KANK1: variants seen among roughly 807,000 people sequenced by gnomAD.
The protein encoded by KANK1 is KN motif and ankyrin repeat domain-containing protein 1.
KANK1 carries 109 observed loss-of-function variants against 106.2 expected under a neutral mutation model. The ratio of observed to expected loss-of-function variants is 1.03; its 90% CI spans 0.88 to 1.20. The LOEUF (loss-of-function observed/expected upper bound fraction) is 1.20. KANK1 is among the 50% of genes most tolerant of loss of function. The pLI is 0.00. For missense variants in KANK1, 2,399 were observed against 1,710.7 expected (o/e 1.40, Z -7.10); for synonymous variants, 873 against 652.2 (o/e 1.34, Z -5.16).
At chr9:680,305 A>T (rs950836009) in intron 2 of KANK1, among the ~76,000 whole-genome samples, 1 of 152,164 alleles carries the variant, frequency 6.6e-6, no homozygotes, top group Non-Finnish European at 1.5e-5. Flanking sequence ...ACGACTGATC[A>T]TCTCAAGTTG....
chr9:477,095 G>C lies in KANK1; in HGVS notation c.-362+3822G>C, dbSNP rs541442442. On this transcript the variant is annotated intron_variant, in intron 3 of 15. Transcript: ENST00000382303. ...AATCGTTACTTTCATTACCCCAGTT[G>C]GCAATTTGAGCAGGGCATGACAGGG... Among the ~76,000 whole-genome samples the C allele has an allele frequency of 9.6e-4, 146 of 152,268 alleles. 1 individual carries two copies. The highest frequency in any genetic ancestry group is 3.2e-3 in the African/African-American group (133 of 41,544).
At chr9:534,998 A>G (rs868081625) in intron 1 of KANK1, among the ~76,000 whole-genome samples, 1 of 152,128 alleles carries the variant, frequency 6.6e-6, no homozygotes, top group Non-Finnish European at 1.5e-5. Context: ...TTCTTTGAGG[A>G]TGCCCCCTTT....
chr9:586,660 A>G lies in KANK1; in HGVS notation c.-84+81906A>G, dbSNP rs1823543613. ...GACATTAAAAAATACATAAAAATAG[A>G]GTGGTATGCATGTGCTGAATTATGT... On this transcript the variant is annotated intron_variant, in intron 1 of 11. Transcript: ENST00000382297. 2.0e-5 allele frequency among the ~76,000 whole-genome samples: 3 copies of G among 152,146 alleles called. No individual in the cohort carries two copies. In the South Asian group the frequency reaches 6.2e-4, roughly 32 times the overall value.
intron 1 of KANK1, among the ~76,000 whole-genome samples, chr9:641,859 G>A (rs890644481): frequency 6.6e-6 from 1 of 152,096 alleles, no homozygotes; most frequent in African/African-American, 2.4e-5. Flanking sequence ...ACCCTTTAAA[G>A]TATACGATGC....
chr9:564,205 G>A (rs1018147162), intron 1 of KANK1, among the ~76,000 whole-genome samples: 1 of 151,736 alleles, frequency 6.6e-6, no homozygotes, highest in African/African-American at 2.4e-5. Flanking sequence ...GATTACAGAC[G>A]CCCGCCACCA....
chr9:582,841 T>G (rs558950400), intron 1 of KANK1, among the ~76,000 whole-genome samples: 2 of 152,348 alleles, frequency 1.3e-5, no homozygotes, highest in East Asian at 3.9e-4. Context: ...AAAGCGTGGG[T>G]TCAGATGTAC....
At chr9:526,804 G>T (rs1028478683) in intron 1 of KANK1, among the ~76,000 whole-genome samples, 3 of 151,566 alleles carry the variant, frequency 2.0e-5, no homozygotes, top group African/African-American at 2.4e-5. Context: ...GAGAAAGCAT[G>T]CTTATCATGT....
chr9:573,277 ATTATTT>A (rs1297076315), intron 1 of KANK1, among the ~76,000 whole-genome samples: 3 of 151,954 alleles, frequency 2.0e-5, no homozygotes, highest in East Asian at 1.9e-4. Context: ...TATTATTATT[ATTATTT>A]TTTTGAGACA....
intron 1 of KANK1, among the ~76,000 whole-genome samples, chr9:555,426 A>G (rs2061524461): frequency 6.6e-6 from 1 of 152,234 alleles, no homozygotes; most frequent in African/African-American, 2.4e-5. Context: ...TCAGTCTGCT[A>G]TGTATATGGC....
intron 2 of KANK1, among the ~76,000 whole-genome samples, chr9:694,960 A>T (rs576239067): frequency 6.6e-5 from 10 of 152,162 alleles, no homozygotes; most frequent in Non-Finnish European, 1.5e-4. Context: ...ATTTTGTATC[A>T]AGTCTAGTCG....
At chr9:684,159 C>A (rs766982123) in intron 2 of KANK1, 2 of 985,190 alleles carry the variant, frequency 2.0e-6, no homozygotes, top group African/African-American at 3.5e-5. Context: ...TAGCCAGCTT[C>A]GCCTTATAAG....
chr9:483,816 T>C (rs2058247167), intron 3 of KANK1, among the ~76,000 whole-genome samples: 3 of 152,112 alleles, frequency 2.0e-5, no homozygotes, highest in Admixed American at 2.0e-4. Context: ...CTTTCAGAGA[T>C]GTAAATGCAA....
chr9:723,072 C>T lies in KANK1; in HGVS notation c.2699-6979C>T, dbSNP rs369084471. Among the ~76,000 whole-genome samples, 143 of 152,198 alleles carry T rather than the reference C, an allele frequency of 9.4e-4. 2 individuals carry two copies. Among genetic ancestry groups the T allele is most frequent in the African/African-American group, 3.2e-3 (131 of 41,530 alleles). ...GTCGAATTCAGCTGGTGAAGGATGG[C>T]GAATTTCCAGACCTGTAGGATGATC... On this transcript the variant is annotated intron_variant, in intron 3 of 11. Transcript: ENST00000382297.
At chr9:548,162 T>A (rs2804313) in intron 1 of KANK1, among the ~76,000 whole-genome samples, 13 of 152,040 alleles carry the variant, frequency 8.6e-5, no homozygotes, top group Non-Finnish European at 1.8e-4. Context: ...GAAAATAATA[T>A]GTATTATGGA....
chr9:561,208 G>C (rs1257148248), intron 1 of KANK1, among the ~76,000 whole-genome samples: 1 of 152,064 alleles, frequency 6.6e-6, no homozygotes, highest in African/African-American at 2.4e-5. Context: ...GGAATTTATG[G>C]GTAGACATAA....
chr9:583,817 A>C (rs1244533512), intron 1 of KANK1, among the ~76,000 whole-genome samples: 1 of 152,068 alleles, frequency 6.6e-6, no homozygotes, highest in East Asian at 1.9e-4. Context: ...ACACAGTAGT[A>C]GAAAAATAGA....
rs114393443 is a variant in KANK1, at chr9:660,697, G to A, written c.-83-16193G>A. ...CTGCCCTAAGAGACTGTCACCACCC[G>A]AACAATCCTCGGTGAATCTAAGAGG... On this transcript the variant is annotated intron_variant, in intron 1 of 11. Transcript: ENST00000382297. Among the ~76,000 whole-genome samples the A allele has an allele frequency of 1.9e-3, 296 of 152,196 alleles. 3 individuals carry two copies. Among genetic ancestry groups the A allele is most frequent in the African/African-American group, 6.8e-3 (281 of 41,510 alleles).
At chr9:528,103 A>G (rs929737618) in intron 1 of KANK1, among the ~76,000 whole-genome samples, 1 of 151,238 alleles carries the variant, frequency 6.6e-6, no homozygotes, top group Non-Finnish European at 1.5e-5. Flanking sequence ...ACTGCACTCC[A>G]TCGAGCCTGG....
At chr9:622,597 A>G (rs1833405651) in intron 1 of KANK1, among the ~76,000 whole-genome samples, 2 of 152,196 alleles carry the variant, frequency 1.3e-5, no homozygotes, top group South Asian at 2.1e-4. Flanking sequence ...ATCAACTTGA[A>G]ATGGATTAAG....
Sources: gnomAD v4.1 joint callset for allele counts (sites outside exome capture counted in the v4.1 genomes callset) on GRCh38, gnomAD v4.1.1 for gene constraint, MANE v1.5 for transcripts, NCBI Gene and HGNC (gene_info 2026-07-23, HGNC 2026-07-21) for gene names.